The following CTTNBP2 variants were observed in gnomAD, a reference collection of about 807,000 sequenced individuals.
CTTNBP2 encodes cortactin binding protein 2, also known as cortactin-binding protein 2.
A neutral mutation model predicts 156.9 loss-of-function variants in CTTNBP2; 108 were observed. The observed-to-expected ratio is 0.69, with a 90% CI of 0.59 to 0.81. CTTNBP2 has a LOEUF of 0.81. CTTNBP2 is among the 30% of genes least tolerant of loss of function. CTTNBP2 has a pLI of 0.00. For missense variants in CTTNBP2, 1,924 were observed against 2,035.4 expected, an observed-to-expected ratio of 0.95 and a Z score of 1.05; for synonymous variants, 767 against 751.8, an observed-to-expected ratio of 1.02 and a Z score of -0.33.
chr7:117,814,626 C>A (rs1464361494), intron 2 of CTTNBP2, among the ~76,000 whole-genome samples: 4 of 152,146 alleles, frequency 2.6e-5, no homozygotes, highest in Non-Finnish European at 2.9e-5. Context: ...TGAAGTCTCA[C>A]TATGTTGCTC....
chr7:117,723,814 G>A (rs922734273), intron 19 of CTTNBP2, among the ~76,000 whole-genome samples: 1 of 149,494 alleles, frequency 6.7e-6, no homozygotes, highest in Non-Finnish European at 1.5e-5. Flanking sequence ...GTGCAGTGGT[G>A]TGATCTCGGC....
intron 4 of CTTNBP2, among the ~76,000 whole-genome samples, chr7:117,787,830 T>C (rs1181770311): frequency 6.6e-6 from 1 of 152,218 alleles, no homozygotes; most frequent in African/African-American, 2.4e-5. Context: ...TTAGTCATAA[T>C]TTTTATAGAT....
intron 22 of CTTNBP2, among the ~76,000 whole-genome samples, chr7:117,716,724 A>T (rs1794400897): frequency 6.6e-6 from 1 of 152,170 alleles, no homozygotes; most frequent in Non-Finnish European, 1.5e-5. Flanking sequence ...TTCACAGGAC[A>T]TCATGTTAAA....
At chr7:117,744,519 CT>C (rs1308590049) in intron 14 of CTTNBP2, among the ~76,000 whole-genome samples, 2 of 151,980 alleles carry the variant, frequency 1.3e-5, no homozygotes, top group East Asian at 1.9e-4. Context: ...GGATCTCATT[CT>C]TTTTTTTATG....
At position 117,832,501 on chromosome 7, in the gene CTTNBP2, C is replaced by T. The variant is rs553151688; in HGVS notation, c.190-21512G>A. 1.5e-3 allele frequency among the ~76,000 whole-genome samples: 234 copies of T among 152,168 alleles called. 1 individual carries two copies. Among genetic ancestry groups the T allele is most frequent in the African/African-American group, 5.5e-3 (227 of 41,500 alleles). ...CCAAACCCTCACCAAGCAAGTTCTT[C>T]CATGATCTGACTCTTTATTCTCTCT... On this transcript the variant is annotated intron_variant, in intron 2 of 22. Coordinates refer to ENST00000160373, the MANE Select transcript of CTTNBP2 (RefSeq NM_033427.3).
chr7:117,867,316 C>T (rs1008350449), intron 1 of CTTNBP2, among the ~76,000 whole-genome samples: 1 of 152,152 alleles, frequency 6.6e-6, no homozygotes, highest in African/African-American at 2.4e-5. Flanking sequence ...ATAGCTCAAA[C>T]CCACTTTTGA....
chr7:117,819,367 TCACACACACACACACACACACACACACA>T (rs71529472), intron 2 of CTTNBP2, among the ~76,000 whole-genome samples: 2 of 130,610 alleles, frequency 1.5e-5, no homozygotes, highest in African/African-American at 2.7e-5. Flanking sequence ...TCTCTCTCTC[TCACACACACACACACACACACACACACA>T]CACACACACA....
At chr7:117,857,940 C>T (rs955477211) in intron 2 of CTTNBP2, among the ~76,000 whole-genome samples, 1 of 152,182 alleles carries the variant, frequency 6.6e-6, no homozygotes, top group African/African-American at 2.4e-5. Context: ...CCAGGGAACA[C>T]TCAATCAGTA....
intron 16 of CTTNBP2, among the ~76,000 whole-genome samples, chr7:117,731,947 G>A (rs1411623239): frequency 1.3e-5 from 2 of 152,164 alleles, no homozygotes; most frequent in Admixed American, 1.3e-4. Flanking sequence ...ACATATATGT[G>A]TATATAGTCC....
chr7:117,809,973 G>A (rs1411948170), intron 3 of CTTNBP2, among the ~76,000 whole-genome samples: 1 of 152,112 alleles, frequency 6.6e-6, no homozygotes, highest in Non-Finnish European at 1.5e-5. Flanking sequence ...CTAATAAAAG[G>A]CATCGATAGT....
At chr7:117,817,364 A>ATATATATATATATATATC (rs1800676947) in intron 2 of CTTNBP2, among the ~76,000 whole-genome samples, 1 of 55,950 alleles carries the variant, frequency 1.8e-5, no homozygotes, top group Non-Finnish European at 4.2e-5. Flanking sequence ...AAAAAAAAAT[A>ATATATATATATATATATC]TATATATATA....
At chr7:117,852,684 C>A (rs552943874) in intron 2 of CTTNBP2, among the ~76,000 whole-genome samples, 4 of 152,156 alleles carry the variant, frequency 2.6e-5, no homozygotes, top group African/African-American at 9.6e-5. Flanking sequence ...TAATTACCTG[C>A]GCTCAATTGC....
In CTTNBP2 at chr7:117,792,896, C is replaced by CA. The variant is rs1799112891; in HGVS notation, c.415-116dup. The CA allele has an allele frequency of 3.1e-6, 2 of 637,942 alleles. No individual in the cohort carries two copies. 39.5% of individuals were successfully genotyped at this position (637,942 alleles called of 1,614,324 possible). Reference sequence around the variant, plus strand: ...CTAACAATTACATAACTCGGGTTAGCAAAAACGCCACATTTTCAAAAAGTG... The same window carrying CA: ...CTAACAATTACATAACTCGGGTTAGCAAAAAACGCCACATTTTCAAAAAGTG... On this transcript the variant is annotated intron_variant, in intron 3 of 22. Coordinates refer to ENST00000160373, the MANE Select transcript of CTTNBP2 (RefSeq NM_033427.3). This position sits in a 1 kb window ranked among gnomAD's most constrained non-coding sequence, Gnocchi z 4.2.
At chr7:117,762,775 G>A (rs36122881) in intron 9 of CTTNBP2, among the ~76,000 whole-genome samples, 4,091 of 152,190 alleles carry the variant, frequency 0.027, 182 homozygotes, top group African/African-American at 0.093. Flanking sequence ...ATCAGGCCAC[G>A]CTCCACCCTG....
chr7:117,854,259 C>T (rs1803113982), intron 2 of CTTNBP2, among the ~76,000 whole-genome samples: 1 of 152,158 alleles, frequency 6.6e-6, no homozygotes, highest in Admixed American at 6.5e-5. Flanking sequence ...TTATAATGAA[C>T]AGCACAAAAA....
intron 3 of CTTNBP2, among the ~76,000 whole-genome samples, chr7:117,797,319 C>G (rs181901731): frequency 3.0e-4 from 45 of 152,314 alleles, no homozygotes; most frequent in Non-Finnish European, 4.0e-4. Context: ...TGAATCTAAC[C>G]AGGTTAACTG....
intron 16 of CTTNBP2, among the ~76,000 whole-genome samples, chr7:117,732,510 C>T (rs555649209): frequency 3.0e-4 from 46 of 151,682 alleles, no homozygotes; most frequent in African/African-American, 8.9e-4. Flanking sequence ...ATTAGCTGGG[C>T]GTGGTGGCGG....
intron 10 of CTTNBP2, among the ~76,000 whole-genome samples, chr7:117,758,871 G>A (rs1276581499): frequency 1.3e-5 from 2 of 152,182 alleles, no homozygotes; most frequent in East Asian, 1.9e-4. Flanking sequence ...GCCTTAGCAT[G>A]CACTGTTCAC....
chr7:117,798,380 T>C (rs1440271231), intron 3 of CTTNBP2, among the ~76,000 whole-genome samples: 2 of 152,194 alleles, frequency 1.3e-5, no homozygotes, highest in East Asian at 3.8e-4. Flanking sequence ...TAAAATCTTA[T>C]AGACTGTGTT....
Sources: allele counts gnomAD v4.1 joint callset (sites outside exome capture counted in the v4.1 genomes callset), GRCh38; gene constraint gnomAD v4.1.1; non-coding constraint Gnocchi (gnomAD v3.1); transcripts MANE v1.5; gene names NCBI Gene and HGNC (gene_info 2026-07-23, HGNC 2026-07-21).